The following ZNF521 variants were observed in gnomAD, a reference collection of about 807,000 sequenced individuals.
ZNF521 encodes the protein LYST-interacting protein 3.
In ZNF521, 14 loss-of-function variants were observed where a neutral mutation model predicts 105.5. The observed-to-expected ratio is 0.13, with a 90% confidence interval of 0.09 to 0.21. ZNF521 has a LOEUF of 0.21. ZNF521 is among the 10% of genes least tolerant of loss of function. The pLI is 1.00. For synonymous variants in ZNF521, 635 were observed against 606.0 expected, an observed-to-expected ratio of 1.05 and a Z score of -0.70; for missense variants, 1,233 against 1,629.7, an observed-to-expected ratio of 0.76 and a Z score of 4.19.
At chr18:25,115,698 C>A (rs922033905) in intron 5 of ZNF521, among the ~76,000 whole-genome samples, 24 of 152,276 alleles carry the variant, frequency 1.6e-4, no homozygotes, top group African/African-American at 5.5e-4. Flanking sequence ...GTCTCCATTA[C>A]ATACTTAAGA....
chr18:25,306,225 A>G (rs865914290), intron 3 of ZNF521, among the ~76,000 whole-genome samples: 2 of 152,118 alleles, frequency 1.3e-5, no homozygotes, highest in Non-Finnish European at 2.9e-5. Flanking sequence ...GATTACATTG[A>G]TTTTTTTTAA....
At chr18:25,300,368 A>C (rs1338219352) in intron 3 of ZNF521, among the ~76,000 whole-genome samples, 3 of 152,208 alleles carry the variant, frequency 2.0e-5, no homozygotes, top group African/African-American at 7.2e-5. Flanking sequence ...TAACTGTAAC[A>C]ATTTCTATAG....
intron 3 of ZNF521, among the ~76,000 whole-genome samples, chr18:25,297,408 T>C (rs565842858): frequency 3.3e-5 from 5 of 152,160 alleles, no homozygotes; most frequent in Non-Finnish European, 7.4e-5. Flanking sequence ...AGCAAATCCA[T>C]GAAAAATTCA....
At chr18:25,159,666 G>A (rs1234927048) in intron 5 of ZNF521, among the ~76,000 whole-genome samples, 1 of 152,158 alleles carries the variant, frequency 6.6e-6, no homozygotes. Context: ...TTAATACTTG[G>A]GAGAGGAAAG....
chr18:25,137,536 T>A (rs529388924), intron 5 of ZNF521, among the ~76,000 whole-genome samples: 1 of 152,278 alleles, frequency 6.6e-6, no homozygotes, highest in East Asian at 1.9e-4. Context: ...ATCACAGGTA[T>A]GAAGACTGGT....
chr18:25,214,450 T>C (rs567493838), intron 4 of ZNF521, among the ~76,000 whole-genome samples: 3 of 152,232 alleles, frequency 2.0e-5, no homozygotes, highest in Admixed American at 6.5e-5. Context: ...TTGTTGTTCA[T>C]TGTTTCTTTG....
At chr18:25,201,129 G>A (rs2035985764) in intron 4 of ZNF521, 1 of 151,780 alleles carries the variant, frequency 6.6e-6, no homozygotes, top group African/African-American at 2.4e-5. Context: ...TACCAGAGCT[G>A]GGTCTCAGAG....
chr18:25,092,857 A>C (rs2033775414), intron 5 of ZNF521, among the ~76,000 whole-genome samples: 1 of 152,222 alleles, frequency 6.6e-6, no homozygotes, highest in African/African-American at 2.4e-5. Flanking sequence ...TTATACATAG[A>C]CACTGTTATT....
chr18:25,165,757 C>G (rs1431515065), intron 5 of ZNF521, among the ~76,000 whole-genome samples: 2 of 152,186 alleles, frequency 1.3e-5, no homozygotes, highest in Non-Finnish European at 2.9e-5. Flanking sequence ...TGAAAACACA[C>G]TGTAGAAAAT....
intron 7 of ZNF521, chr18:25,082,496 C>G (rs2033517637): frequency 2.4e-6 from 1 of 424,012 alleles, no homozygotes; most frequent in Non-Finnish European, 4.7e-6. Flanking sequence ...TGATAAGAGG[C>G]AAGACATAAC....
chr18:25,273,728 A>C (rs1242160945), intron 3 of ZNF521: 4 of 152,206 alleles, frequency 2.6e-5, no homozygotes, highest in Admixed American at 2.6e-4. Context: ...ATTGTTCATA[A>C]GACATTATGT....
At chr18:25,214,691 T>C (rs1401567454) in intron 4 of ZNF521, among the ~76,000 whole-genome samples, 2 of 152,188 alleles carry the variant, frequency 1.3e-5, no homozygotes, top group Admixed American at 1.3e-4. Flanking sequence ...TCCTTTTCAT[T>C]TATAAATTAC....
intron 5 of ZNF521, among the ~76,000 whole-genome samples, chr18:25,149,914 C>G (rs1022855239): frequency 1.3e-5 from 2 of 152,098 alleles, no homozygotes; most frequent in African/African-American, 4.8e-5. Context: ...TTCTGAGAAC[C>G]ACCCCTCTAC....
intron 5 of ZNF521, among the ~76,000 whole-genome samples, chr18:25,192,646 C>T (rs1056699209): frequency 6.6e-6 from 1 of 151,702 alleles, no homozygotes; most frequent in Non-Finnish European, 1.5e-5. Context: ...CCCTAATCCC[C>T]CTTCCTCTAT....
intron 7 of ZNF521, 65 bp from the exon 8 acceptor site, chr18:25,062,806 C>CT (rs2032942559): frequency 7.8e-7 from 1 of 1,277,228 alleles, no homozygotes; most frequent in Non-Finnish European, 1.0e-6. Context: ...GGAAAACAAA[C>CT]TTCAGTGATT....
intron 2 of ZNF521, among the ~76,000 whole-genome samples, chr18:25,339,129 T>C (rs1914057656): frequency 6.6e-6 from 1 of 152,346 alleles, no homozygotes; most frequent in East Asian, 1.9e-4. Flanking sequence ...ATACCATTTG[T>C]GTGAACTGAA....
intron 3 of ZNF521, among the ~76,000 whole-genome samples, chr18:25,252,093 T>C (rs1908160752): frequency 6.6e-6 from 1 of 152,322 alleles, no homozygotes; most frequent in Admixed American, 6.5e-5. Context: ...ATTATAGCAA[T>C]GTATGTGGCT....
chr18:25,292,589 C>T (rs1911094118), intron 3 of ZNF521, among the ~76,000 whole-genome samples: 1 of 151,980 alleles, frequency 6.6e-6, no homozygotes, highest in African/African-American at 2.4e-5. Flanking sequence ...TAAATAATGG[C>T]GTGTATCATT....
chr18:25,169,580 C>A (rs1352874485), intron 5 of ZNF521, among the ~76,000 whole-genome samples: 1 of 152,050 alleles, frequency 6.6e-6, no homozygotes, highest in Non-Finnish European at 1.5e-5. Context: ...AAATACCATC[C>A]CTTTACTTTA....
Sources: allele counts gnomAD v4.1 joint callset (sites outside exome capture counted in the v4.1 genomes callset), GRCh38; gene constraint gnomAD v4.1.1; transcripts MANE v1.5; gene names NCBI Gene and HGNC (gene_info 2026-07-23, HGNC 2026-07-21).